HCFC1: variants seen among roughly 807,000 people sequenced by gnomAD.
HCFC1 encodes the protein host cell factor C1.
HCFC1 carries 7 observed loss-of-function variants against 105.5 expected under a neutral mutation model. The observed-to-expected ratio is 0.07, with a 90% CI of 0.04 to 0.12. HCFC1 has a LOEUF of 0.12. Ranked by LOEUF, HCFC1 falls within the 10% of genes least tolerant of loss-of-function variation. The pLI, the probability that HCFC1 is intolerant of heterozygous loss-of-function variation, is 1.00. For synonymous variants in HCFC1, 918 were observed against 828.1 expected, an observed-to-expected ratio of 1.11 and a Z score of -1.86; for missense variants, 1,065 against 1,823.6, an observed-to-expected ratio of 0.58 and a Z score of 7.58.
rs1341050453 is a variant in HCFC1 at position 153,960,341 on chromosome X, G to A, written c.978C>T (p.Cys326=). ...DNIPRARAGH[C]AVAINTRLYI... is the part of the protein sequence containing the mutation. Reference sequence around the variant, plus strand: ...ACAGGCGGGTGTTGATGGCGACTGCGCAGTGGCCAGCCCGAGCACGGGGGA... The same window carrying A: ...ACAGGCGGGTGTTGATGGCGACTGCACAGTGGCCAGCCCGAGCACGGGGGA... Residue 326 remains cysteine, a synonymous_variant, in exon 7 of 26, where the codon TGC becomes TGT. Coordinates refer to ENST00000310441, the MANE Select transcript of HCFC1 (RefSeq NM_005334.3). The A allele has an allele frequency of 1.0e-5, 12 of 1,203,498 alleles. No homozygotes were observed. The South Asian group carries it at 1.1e-4, about 11-fold the overall frequency.
Position 153,949,077 on chromosome X carries a change from C to G in HCFC1, c.*270G>C, listed in dbSNP as rs2065284112. 3.6e-6 allele frequency: 1 copy of G among 275,017 alleles called. No individual in the cohort carries two copies. The highest frequency in any genetic ancestry group is 7.9e-5 in the South Asian group (1 of 12,725). The allele number at this position is 275,017 out of a possible 1,213,427, so 22.7% of individuals were successfully genotyped here. A position where few individuals can be genotyped will look rare whatever the true frequency, so the allele number is the denominator to read the frequency against. The stretch of plus-strand genomic sequence containing the variant: ...CCGCCTTCCCTCCCCGCAAAAGTCT[C>G]TCCCCAGGGTGGGCGGCAGCGGGGA... On this transcript the variant is annotated 3_prime_UTR_variant, in exon 26 of 26. Coordinates refer to ENST00000310441, the MANE Select transcript of HCFC1 (RefSeq NM_005334.3).
intron 5 of HCFC1, among the ~76,000 whole-genome samples, 155 bp downstream of exon 5, chrX:153,962,067 G>A (rs1557117112): frequency 9.0e-6 from 1 of 111,517 alleles, no homozygotes; most frequent in African/African-American, 3.3e-5. Flanking sequence ...GTCCCCCAGG[G>A]TCGTAATGGA....
At position 153,963,429 on chromosome X, in the gene HCFC1, G is replaced by A. The variant is rs782546649; in HGVS notation, c.508C>T (p.Leu170=). The A allele has an allele frequency of 1.6e-5, 19 of 1,195,547 alleles. No individual in the cohort carries two copies. The highest frequency in any genetic ancestry group is 2.2e-5 in the Non-Finnish European group (19 of 882,111). The change falls in exon 4 of 26, where the codon CTG becomes TTG. Residue 170 remains leucine (L), a synonymous_variant. Transcript: ENST00000310441. The stretch of plus-strand genomic sequence containing the variant: ...AATTCCAGGATATATAAGTCATTCA[G>A]GTACCTGACGAGGAAAGATCAGTTA... ...EDPKNNIPRY[L]NDLYILELRP... is the part of the protein sequence containing the mutation.
rs1192494424 is a variant in HCFC1, at chrX:153,952,686, C to T, written c.4770G>A (p.Glu1590=). 2.5e-6 allele frequency: 3 copies of T among 1,209,771 alleles called. No homozygotes were observed. Among genetic ancestry groups the T allele is most frequent in the Non-Finnish European group, 3.4e-6 (3 of 894,739 alleles). Residue 1590 remains glutamate, a synonymous_variant, in exon 19 of 26, where the codon GAG becomes GAA. Transcript: ENST00000310441. ...SEVDQLSLPQ[E]LMAEAQAGTT... ...TGCCAGCTTGGGCCTCGGCCATTAG[C>T]TCTTGGGGAAGTGATAACTGGTCTA...
At chrX:153,953,528 G>A (rs782447447) in intron 18 of HCFC1, 79 bp downstream of exon 18, 88 of 1,020,942 alleles carry the variant, frequency 8.6e-5, no homozygotes, top group Non-Finnish European at 1.1e-4. Context: ...GTACAAGAGC[G>A]ACATCTGGCG....
At position 153,949,294 on chromosome X, in the gene HCFC1, G is replaced by A; in HGVS notation, c.*53C>T. 1.8e-6 allele frequency: 2 copies of A among 1,094,733 alleles called. No homozygotes were observed. Among genetic ancestry groups the A allele is most frequent in the East Asian group, 3.0e-5 (1 of 33,281 alleles). 90.2% of individuals were successfully genotyped at this position (1,094,733 alleles called of 1,213,427 possible). A position where few individuals can be genotyped will look rare whatever the true frequency, so the allele number is the denominator to read the frequency against. ...GTGGGAGGGGTGGGCCCTGGCGGGTGTTCCTGAAGCAGGGGGGTCTGGAGA... is the reference window on the plus strand; with the variant it reads ...GTGGGAGGGGTGGGCCCTGGCGGGTATTCCTGAAGCAGGGGGGTCTGGAGA... On this transcript the variant is annotated 3_prime_UTR_variant, in exon 26 of 26. Coordinates refer to ENST00000310441, the MANE Select transcript of HCFC1 (RefSeq NM_005334.3).
At chrX:153,956,814 GCCA>G (rs1321708196) in intron 14 of HCFC1, 51 bp from the exon 15 acceptor site, 6 of 1,204,970 alleles carry the variant, frequency 5.0e-6, no homozygotes, top group South Asian at 1.8e-5. Context: ...GCTGGTAGAT[GCCA>G]CCGATGCTGC....
Position 153,971,615 on chromosome X carries a change from C to T in HCFC1, c.-775G>A, listed in dbSNP as rs2065535832. 1 of 294,149 alleles carries T rather than the reference C, an allele frequency of 3.4e-6. No homozygotes were observed. Among genetic ancestry groups the T allele is most frequent in the Non-Finnish European group, 5.9e-6 (1 of 168,134 alleles). 24.2% of individuals were successfully genotyped at this position (294,149 alleles called of 1,213,427 possible). ...TCTTGAGACTAGCTCCCCGTTCCCC[C>T]CTATTCTCTTCCTCCTAGGTCAGTT... On this transcript the variant is annotated 5_prime_UTR_variant, in exon 1 of 26. Coordinates refer to ENST00000310441, the MANE Select transcript of HCFC1 (RefSeq NM_005334.3).
At chrX:153,953,472 G>T in intron 18 of HCFC1, 135 bp downstream of exon 18, 1 of 604,724 alleles carries the variant, frequency 1.7e-6, no homozygotes, top group Non-Finnish European at 2.5e-6. Flanking sequence ...CACCGAGGCT[G>T]CCCTTTTATG....
At position 153,964,321 on chromosome X, in the gene HCFC1, G is replaced by A. The variant is rs151314872; in HGVS notation, c.343-37C>T. ...AGACCTGGAGACTGAACCGTGGGAT[G>A]AGAAGGCCACCACTAGGGACCCGGG... On this transcript the variant is annotated intron_variant, in intron 2 of 25. Transcript: ENST00000310441. 2.9e-3 allele frequency: 3,254 copies of A among 1,127,802 alleles called. 59 individuals are homozygous for A. In the African/African-American group the frequency reaches 0.054, roughly 19 times the overall value. The allele number at this position is 1,127,802 out of a possible 1,213,427, so 92.9% of individuals were successfully genotyped here.
chrX:153,951,767 C>T (rs1308176680), intron 20 of HCFC1, 60 bp from the exon 21 acceptor site: 12 of 1,173,137 alleles, frequency 1.0e-5, no homozygotes, highest in South Asian at 1.9e-5. Flanking sequence ...CAAGTGAGAC[C>T]GAGCCTCCCG....
chrX:153,966,300 C>T (rs1313684321), intron 1 of HCFC1, among the ~76,000 whole-genome samples: 2 of 112,836 alleles, frequency 1.8e-5, no homozygotes, highest in African/African-American at 3.2e-5. Flanking sequence ...ACCCCCACCC[C>T]GCTCTCCAGC....
Position 153,954,314 on chromosome X carries a change from G to C in HCFC1, c.4085C>G (p.Thr1362Ser), listed in dbSNP as rs926538058. The change falls in exon 17 of 26, where the codon ACC becomes AGC. Residue 1362 changes from threonine (T) to serine (S), a missense_variant. Coordinates refer to ENST00000310441, the MANE Select transcript of HCFC1 (RefSeq NM_005334.3). ...PAGRPCETHQ[T>S]TSTGTTMSVS... ...CGACATGGTGGTGCCAGTGGAAGTG[G>C]TCTGGTGTGTCTCACAGGGGCGACC... 8.3e-7 allele frequency: 1 copy of C among 1,197,826 alleles called. No homozygotes were observed. Among genetic ancestry groups the C allele is most frequent in the Non-Finnish European group, 1.1e-6 (1 of 887,736 alleles).
rs1257428082 is a variant in HCFC1 at position 153,956,906 on chromosome X, G to A, written c.2496+12C>T. Reference sequence around the variant, plus strand: ...AGGACACTGGGCTGAGAGACGGCTGGGAGTGCCTCACCTGGGTCACTCCCT... The same window carrying A: ...AGGACACTGGGCTGAGAGACGGCTGAGAGTGCCTCACCTGGGTCACTCCCT... On this transcript the variant is annotated intron_variant, in intron 14 of 25. Coordinates refer to ENST00000310441, the MANE Select transcript of HCFC1 (RefSeq NM_005334.3). 4 of 1,208,874 alleles carry A rather than the reference G, an allele frequency of 3.3e-6. No homozygotes were observed. The highest frequency in any genetic ancestry group is 4.5e-6 in the Non-Finnish European group (4 of 894,973).
rs2065388763 is a variant in HCFC1 at position 153,957,436 on chromosome X, G to A, written c.2231C>T (p.Ala744Val). Residue 744 changes from alanine (A) to valine (V), a missense_variant, in exon 13 of 26, where the codon GCG (alanine) becomes GTG (valine). By Grantham distance (64) the Ala-to-Val change is moderately conservative (BLOSUM62 0). Around this residue, in one of 17 missense-constraint regions of HCFC1, gnomAD observed 137 missense variants for 378.2 expected, o/e 0.36. Transcript: ENST00000310441. Reference protein sequence around the residue: ...TIITTTQASGAGTKPTILGIS... With the variant: ...TIITTTQASGVGTKPTILGIS... ...GCCCAGGATGGTGGGCTTGGTCCCC[G>A]CCCCACTGGCCTGCGTGGTAGTGAT... The A allele has an allele frequency of 2.5e-6, 3 of 1,209,800 alleles. No individual in the cohort carries two copies. Among genetic ancestry groups the A allele is most frequent in the Middle Eastern group, 2.3e-4 (1 of 4,344 alleles).
intron 2 of HCFC1, 113 bp from the exon 3 acceptor site, chrX:153,964,397 T>C (rs1453693450): frequency 2.2e-6 from 2 of 919,070 alleles, no homozygotes; most frequent in African/African-American, 4.0e-5. Flanking sequence ...GGTGCCTTGC[T>C]GGAGCAAGAA....
At chrX:153,957,251 C>T in intron 13 of HCFC1, 63 bp downstream of exon 13, 1 of 1,041,085 alleles carries the variant, frequency 9.6e-7, no homozygotes, top group Non-Finnish European at 1.3e-6. Flanking sequence ...GCCTTATAAC[C>T]CGGACTCCAT....
In HCFC1 at chrX:153,952,701, T is replaced by C. The variant is rs1474182986; in HGVS notation, c.4755A>G (p.Leu1585=). Residue 1585 remains leucine (L), a synonymous_variant, in exon 19 of 26, where the codon TTA becomes TTG. Coordinates refer to ENST00000310441, the MANE Select transcript of HCFC1 (RefSeq NM_005334.3). ...PPPTQSEVDQ[L]SLPQELMAEA... is the part of the protein sequence containing the mutation. ...CGGCCATTAGCTCTTGGGGAAGTGA[T>C]AACTGGTCTACTTCGGACTGTGTGG... The C allele has an allele frequency of 1.7e-6, 2 of 1,209,826 alleles. No individual in the cohort carries two copies. The highest frequency in any genetic ancestry group is 2.2e-6 in the Non-Finnish European group (2 of 894,473).
In HCFC1 at chrX:153,954,796, G is replaced by A. The variant is rs782167598; in HGVS notation, c.3603C>T (p.Pro1201=). 1.7e-5 allele frequency: 20 copies of A among 1,162,768 alleles called. No homozygotes were observed. The highest frequency in any genetic ancestry group is 5.2e-4 in the Middle Eastern group (2 of 3,841). Residue 1201 remains proline (P), a synonymous_variant, in exon 17 of 26, where the codon CCC becomes CCT. Coordinates refer to ENST00000310441, the MANE Select transcript of HCFC1 (RefSeq NM_005334.3). ...PLLGPSMARE[P]GGRSPAFVQL... is the part of the protein sequence containing the mutation. ...GCACAAAAGCAGGGCTGCGGCCCCC[G>A]GGCTCCCGTGCCATGCTCGGCCCAA...
Sources: gnomAD v4.1 joint callset for allele counts (sites outside exome capture counted in the v4.1 genomes callset) on GRCh38, gnomAD v4.1.1 for gene constraint, gnomAD v4.1.1 regional missense constraint, MANE v1.5 for transcripts, NCBI Gene and HGNC (gene_info 2026-07-23, HGNC 2026-07-21) for gene names.